IGSF22: variants seen among roughly 807,000 people sequenced by gnomAD.
IGSF22 encodes immunoglobulin superfamily member 22, also known as immunoglobulin superfamily, member 22.
In IGSF22, 119 loss-of-function variants were observed where a neutral mutation model predicts 127.0. That is an observed-to-expected ratio of 0.94 (90% CI 0.81 to 1.09). The LOEUF (loss-of-function observed/expected upper bound fraction) is 1.09, where lower values mean the gene tolerates loss of function less well. IGSF22 is among the 50% of genes least tolerant of loss of function. IGSF22 has a pLI of 0.00. For missense variants in IGSF22, 1,518 were observed against 1,716.6 expected, an observed-to-expected ratio of 0.88 and a Z score of 2.04; for synonymous variants, 568 against 664.7, an observed-to-expected ratio of 0.85 and a Z score of 2.24.
At chr11:18,712,947 C>T (rs1848384732) in intron 14 of IGSF22, among the ~76,000 whole-genome samples, 1 of 152,062 alleles carries the variant, frequency 6.6e-6, no homozygotes, top group Non-Finnish European at 1.5e-5. Context: ...TACATTCAGG[C>T]CAGCTCCTCT....
At chr11:18,712,779 G>A (rs1453746459) in intron 14 of IGSF22, among the ~76,000 whole-genome samples, 2 of 152,188 alleles carry the variant, frequency 1.3e-5, no homozygotes, top group African/African-American at 2.4e-5. Flanking sequence ...AACTGCTGGG[G>A]ATACTTCATC....
chr11:18,707,969 G>C lies in IGSF22; in HGVS notation c.3115C>G (p.Gln1039Glu). Reference sequence around the variant, plus strand: ...CCCTTGGTGGGAACGCCATCTTTCTGCCAGATCACGTCAGGTGGTGGTGAG... The same window carrying C: ...CCCTTGGTGGGAACGCCATCTTTCTCCCAGATCACGTCAGGTGGTGGTGAG... ...SGSPPPDVIW[Q>E]KDGVPTKGRE... is the part of the protein sequence containing the mutation. Residue 1039 changes from glutamine (Q) to glutamate (E), a missense_variant, in exon 20 of 23, where the codon CAG (glutamine) becomes GAG (glutamate). Around this residue, in one of 3 missense-constraint regions of IGSF22, gnomAD observed 1,456 missense variants for 1,644.9 expected, o/e 0.89. Transcript: ENST00000513874. 6.2e-7 allele frequency: 1 copy of C among 1,614,126 alleles called. No individual in the cohort carries two copies. The highest frequency in any genetic ancestry group is 8.5e-7 in the Non-Finnish European group (1 of 1,179,992).
rs1848306314 is a variant in IGSF22, at chr11:18,709,329, GAGA to G, written c.2998+55_2998+57del. The G allele has an allele frequency of 2.0e-6, 3 of 1,534,130 alleles. No homozygotes were observed. Among genetic ancestry groups the G allele is most frequent in the South Asian group, 1.2e-5 (1 of 84,466 alleles). On this transcript the variant is annotated intron_variant, in intron 18 of 22. Coordinates refer to ENST00000513874, the MANE Select transcript of IGSF22 (RefSeq NM_173588.4). This position sits in a 1 kb window ranked among gnomAD's most constrained non-coding sequence, Gnocchi z 4.8. ...TTTCCTGTGGGATGAGGCCCCAGAG[GAGA>G]AGGTTTGGAGGTACAATGTTGGGCA...
chr11:18,721,838 A>G (rs769732391), intron 3 of IGSF22, 72 bp downstream of exon 3: 14 of 1,597,446 alleles, frequency 8.8e-6, no homozygotes, highest in Admixed American at 1.7e-5. Flanking sequence ...TCGTTGGGGT[A>G]GGACGGAGGG....
At chr11:18,712,026 A>G in intron 15 of IGSF22, 56 bp downstream of exon 15, 1 of 1,430,756 alleles carries the variant, frequency 7.0e-7, no homozygotes, top group Non-Finnish European at 9.5e-7. Context: ...TTCCTGGCTT[A>G]AGGTCTCCAT....
chr11:18,725,807 C>T (rs1418683048), intron 1 of IGSF22, among the ~76,000 whole-genome samples: 1 of 152,190 alleles, frequency 6.6e-6, no homozygotes, highest in Non-Finnish European at 1.5e-5. Context: ...AATGACCTGT[C>T]CAAGGTCACT....
chr11:18,709,592 T>G lies in IGSF22; in HGVS notation c.2793A>C (p.Pro931=). The change falls in exon 18 of 23, where the codon CCA becomes CCC. Residue 931 remains proline, a synonymous_variant. Coordinates refer to ENST00000513874, the MANE Select transcript of IGSF22 (RefSeq NM_173588.4). This position sits in a 1 kb window ranked among gnomAD's most constrained non-coding sequence, Gnocchi z 4.8. ...LAWREPAEGD[P]PSGYILEMRA... is the part of the protein sequence containing the mutation. ...TCATCTCAAGGATGTAGCCAGAGGG[T>G]GGGTCTCCCTCTGCAGGCTCCCGCC... 6.2e-7 allele frequency: 1 copy of G among 1,613,898 alleles called. No individual in the cohort carries two copies. The highest frequency in any genetic ancestry group is 8.5e-7 in the Non-Finnish European group (1 of 1,179,844).
At chr11:18,720,163 C>T in intron 5 of IGSF22, 23 bp downstream of exon 5, 1 of 1,613,720 alleles carries the variant, frequency 6.2e-7, no homozygotes, top group Non-Finnish European at 8.5e-7. Context: ...AGAAGAAAGG[C>T]CAAGAGGAAG....
chr11:18,712,337 C>G lies in IGSF22; in HGVS notation c.2143G>C (p.Gly715Arg). 6.4e-7 allele frequency: 1 copy of G among 1,551,698 alleles called. No individual in the cohort carries two copies. ...TTCCACTTCATGTGCACACAACTAC[C>G]TGAGAGCTCCAGGAACTCCACCCGG... The part of the protein sequence containing the change: ...QGRVEFLELS[G>R]SCVHMKWKAP... The change falls in exon 15 of 23, where the codon GGT (glycine) becomes CGT (arginine). Residue 715 changes from glycine to arginine, a missense_variant. Gly to Arg is a moderately radical substitution (Grantham distance 125, BLOSUM62 -2). This residue lies in a region of IGSF22 where 1,456 missense variants were observed against 1,644.9 expected (regional missense o/e 0.89). Coordinates refer to ENST00000513874, the MANE Select transcript of IGSF22 (RefSeq NM_173588.4).
At position 18,712,390 on chromosome 11, in the gene IGSF22, GA is replaced by G; in HGVS notation, c.2096-7del. On this transcript the variant is annotated splice_polypyrimidine_tract_variant and splice_region_variant and intron_variant, in intron 14 of 22. Coordinates refer to ENST00000513874, the MANE Select transcript of IGSF22 (RefSeq NM_173588.4). The stretch of plus-strand genomic sequence containing the variant: ...CTGTGGAGGCTTTGGACGGTCTGGG[GA>G]CAGAGAACAGCTTCAGAATGGGGCT... The G allele has an allele frequency of 6.5e-7, 1 of 1,544,778 alleles. No homozygotes were observed. The highest frequency in any genetic ancestry group is 8.8e-7 in the Non-Finnish European group (1 of 1,142,598).
At chr11:18,706,842 C>T in intron 21 of IGSF22, 72 bp downstream of exon 21, 2 of 1,237,980 alleles carry the variant, frequency 1.6e-6, no homozygotes, top group Middle Eastern at 2.7e-4. Flanking sequence ...CTTGGGTACC[C>T]TTTGGGACCC....
chr11:18,714,908 A>G (rs1431810926), intron 11 of IGSF22, among the ~76,000 whole-genome samples: 2 of 152,026 alleles, frequency 1.3e-5, no homozygotes, highest in Non-Finnish European at 2.9e-5. Context: ...TGATTAGTGG[A>G]GCGTGGTCAG....
chr11:18,710,113 G>A (rs1848323071), intron 17 of IGSF22, among the ~76,000 whole-genome samples: 2 of 152,074 alleles, frequency 1.3e-5, no homozygotes, highest in Admixed American at 6.6e-5. Context: ...TTTAAAAAAC[G>A]TTTTTGCACC....
intron 13 of IGSF22, 58 bp from the exon 14 acceptor site, chr11:18,714,206 G>T (rs7106673): frequency 1.3e-6 from 2 of 1,592,700 alleles, no homozygotes; most frequent in African/African-American, 2.7e-5. Context: ...CCCATGGGGC[G>T]GGGGAGAAGC....
rs1848303066 is a variant in IGSF22, at chr11:18,709,170, T to C, written c.2998+217A>G. 6.6e-6 allele frequency among the ~76,000 whole-genome samples: 1 copy of C among 151,362 alleles called. No homozygotes were observed. The highest frequency in any genetic ancestry group is 1.5e-5 in the Non-Finnish European group (1 of 67,898). On this transcript the variant is annotated intron_variant, in intron 18 of 22. Transcript: ENST00000513874. The surrounding 1 kb of genome is among the most constrained non-coding windows in gnomAD (Gnocchi z 4.8). ...GCGCAAGAAGAACCCATTGGGTGGT[T>C]ACACCTTGACACACAGTAGATGCTA...
chr11:18,711,891 GAT>G (rs1848363510), intron 15 of IGSF22, among the ~76,000 whole-genome samples, 189 bp downstream of exon 15: 1 of 152,182 alleles, frequency 6.6e-6, no homozygotes, highest in African/African-American at 2.4e-5. Context: ...TTGTGCATGT[GAT>G]ATGACTGGAC....
Position 18,718,781 on chromosome 11 carries a change from C to G in IGSF22, c.697-53G>C, listed in dbSNP as rs563334325. 8.3e-6 allele frequency: 9 copies of G among 1,079,610 alleles called. No homozygotes were observed. The East Asian group carries it at 9.5e-5, about 11-fold the overall frequency. 66.9% of individuals were successfully genotyped at this position (1,079,610 alleles called of 1,614,324 possible). ...AGTGTCAGTGGTACCCAAAGCCTGC[C>G]CAGACTGTGTCCTCAATCCTGGAGA... On this transcript the variant is annotated intron_variant, in intron 7 of 22. Coordinates refer to ENST00000513874, the MANE Select transcript of IGSF22 (RefSeq NM_173588.4).
chr11:18,710,369 G>C lies in IGSF22; in HGVS notation c.2659C>G (p.Pro887Ala). Reference sequence around the variant, plus strand: ...ACTACTGAGCTGGATGGCACACTGGGCTGTCCAGGGCCTGCCTTATTTACA... The same window carrying C: ...ACTACTGAGCTGGATGGCACACTGGCCTGTCCAGGGCCTGCCTTATTTACA... The part of the protein sequence containing the change: ...IAVNKAGPGQ[P>A]SVPSSSVVAK... The change falls in exon 17 of 23, where the codon CCC (proline) becomes GCC (alanine). Residue 887 changes from proline (P) to alanine (A), a missense_variant. By Grantham distance (27) the Pro-to-Ala change is conservative. Transcript: ENST00000513874. The C allele has an allele frequency of 6.2e-7, 1 of 1,614,200 alleles. No individual in the cohort carries two copies.
intron 22 of IGSF22, 152 bp downstream of exon 22, chr11:18,705,665 T>G: frequency 1.6e-6 from 1 of 642,400 alleles, no homozygotes; most frequent in Non-Finnish European, 2.7e-6. Flanking sequence ...GATGGGAGAG[T>G]GGTAAGAACT....
Sources: gnomAD v4.1 joint callset for allele counts (sites outside exome capture counted in the v4.1 genomes callset) on GRCh38, gnomAD v4.1.1 for gene constraint, gnomAD v4.1.1 regional missense constraint, Gnocchi (gnomAD v3.1) non-coding constraint, MANE v1.5 for transcripts, NCBI Gene and HGNC (gene_info 2026-07-23, HGNC 2026-07-21) for gene names.